The following AP4E1 variants were observed in gnomAD, a reference collection of about 807,000 sequenced individuals.
AP4E1 encodes AP-4 complex subunit epsilon-1.
Under a neutral mutation model 128.2 loss-of-function variants are expected in AP4E1, and 56 were observed. The observed-to-expected ratio is 0.44, with a 90% CI of 0.35 to 0.55. The LOEUF (loss-of-function observed/expected upper bound fraction) is 0.55. Among genes scored for constraint, AP4E1 ranks in the 20% least tolerant of loss-of-function variants. The pLI is 0.00. For synonymous variants in AP4E1, 484 were observed against 473.1 expected (o/e 1.02, Z -0.30); for missense variants, 1,324 against 1,307.7 (o/e 1.01, Z -0.19).
chr15:50,976,973 A>C (rs2064560838), intron 15 of AP4E1, among the ~76,000 whole-genome samples: 1 of 152,230 alleles, frequency 6.6e-6, no homozygotes, highest in South Asian at 2.1e-4. Context: ...GTTATTTAGC[A>C]CAGTGATAAC....
chr15:50,993,201 T>C (rs760509043), intron 16 of AP4E1, among the ~76,000 whole-genome samples, 169 bp from the exon 17 acceptor site: 1 of 152,216 alleles, frequency 6.6e-6, no homozygotes, highest in Non-Finnish European at 1.5e-5. Context: ...ATGTTGGCTA[T>C]AACTAAAATA....
intron 8 of AP4E1, among the ~76,000 whole-genome samples, chr15:50,935,752 C>T (rs1487972754): frequency 6.6e-6 from 1 of 152,030 alleles, no homozygotes; most frequent in East Asian, 1.9e-4. Context: ...TAGGTTAGAC[C>T]AGAGGACAGA....
chr15:50,911,574 C>T (rs1393903699), intron 1 of AP4E1, among the ~76,000 whole-genome samples: 31 of 151,276 alleles, frequency 2.0e-4, no homozygotes, highest in African/African-American at 6.8e-4. Flanking sequence ...CATTCACTTC[C>T]CGGGTTCAAG....
chr15:50,947,394 T>A (rs1245802130), intron 10 of AP4E1, among the ~76,000 whole-genome samples: 2 of 145,400 alleles, frequency 1.4e-5, no homozygotes, highest in African/African-American at 2.6e-5. Flanking sequence ...ACAGCCTGGA[T>A]GACAGAGCAA....
chr15:50,927,735 A>T (rs2063786131), intron 5 of AP4E1, among the ~76,000 whole-genome samples: 1 of 151,196 alleles, frequency 6.6e-6, no homozygotes, highest in Admixed American at 6.6e-5. Flanking sequence ...AGAGTTGTTT[A>T]TTAATGGAAT....
chr15:50,979,843 G>A (rs994252972), intron 15 of AP4E1, among the ~76,000 whole-genome samples: 37 of 152,254 alleles, frequency 2.4e-4, no homozygotes, highest in African/African-American at 8.9e-4. Flanking sequence ...TACCTGTTCT[G>A]TGGTATTCTG....
chr15:50,945,684 G>C, intron 10 of AP4E1: 1 of 785,542 alleles, frequency 1.3e-6, no homozygotes, highest in Non-Finnish European at 2.4e-6. Context: ...AGTATATTAT[G>C]TGTGGATCTG....
intron 16 of AP4E1, among the ~76,000 whole-genome samples, chr15:50,989,752 C>A (rs2064778822): frequency 6.6e-6 from 1 of 152,146 alleles, no homozygotes; most frequent in Admixed American, 6.6e-5. Flanking sequence ...GGGGGTGTGA[C>A]AGGGCCTTGT....
chr15:50,923,718 A>C (rs1214984824), intron 3 of AP4E1, among the ~76,000 whole-genome samples: 1 of 152,212 alleles, frequency 6.6e-6, no homozygotes, highest in Non-Finnish European at 1.5e-5. Flanking sequence ...CGTTTCTGGA[A>C]TATCCTATGA....
chr15:50,964,037 T>C (rs2064354947), intron 14 of AP4E1, among the ~76,000 whole-genome samples: 1 of 152,244 alleles, frequency 6.6e-6, no homozygotes, highest in African/African-American at 2.4e-5. Flanking sequence ...TGCATATGGA[T>C]GTCTGTATCT....
rs1370520935 is a variant in AP4E1 at position 50,964,537 on chromosome 15, GC to G, written c.1852-3725del. ...GTTCCTTTGGAGGTTTTGTTTCTTT[GC>G]TTTTTTATTTTTCTTGTGTCCTCAC... On this transcript the variant is annotated intron_variant, in intron 14 of 20. Transcript: ENST00000261842. Among the ~76,000 whole-genome samples, 5 of 149,276 alleles carry G rather than the reference GC, an allele frequency of 3.3e-5. No homozygotes were observed. The East Asian group carries it at 8.0e-4, about 24-fold the overall frequency.
In AP4E1 at chr15:51,001,044, T is replaced by C. The variant is rs1483843428; in HGVS notation, c.3114T>C (p.Ser1038=). 1.2e-6 allele frequency: 2 copies of C among 1,612,540 alleles called. No individual in the cohort carries two copies. The highest frequency in any genetic ancestry group is 2.7e-5 in the African/African-American group (2 of 74,900). ...LDFIRPLKIS[S]DDFGKLWLSF... The stretch of plus-strand genomic sequence containing the variant: ...TTTTCAGACCATTAAAAATCTCAAG[T>C]GACGACTTTGGGAAACTCTGGTTAT... Residue 1038 remains serine (S), a synonymous_variant, in exon 20 of 21, where the codon AGT becomes AGC. Transcript: ENST00000261842.
At position 51,001,013 on chromosome 15, in the gene AP4E1, A is replaced by G; in HGVS notation, c.3096-13A>G. 1 of 1,600,712 alleles carries G rather than the reference A, an allele frequency of 6.2e-7. No individual in the cohort carries two copies. Among genetic ancestry groups the G allele is most frequent in the Non-Finnish European group, 8.6e-7 (1 of 1,169,156 alleles). ...GTTTTTGACATATATCTAATTTTAA[A>G]AATTATTTTCAGACCATTAAAAATC... On this transcript the variant is annotated splice_polypyrimidine_tract_variant and intron_variant, in intron 19 of 20. Coordinates refer to ENST00000261842, the MANE Select transcript of AP4E1 (RefSeq NM_007347.5).
intron 7 of AP4E1, among the ~76,000 whole-genome samples, chr15:50,933,828 A>C (rs995530802): frequency 3.3e-5 from 5 of 152,068 alleles, no homozygotes; most frequent in African/African-American, 1.2e-4. Flanking sequence ...TGATATTTTC[A>C]TTTATTTTAT....
intron 15 of AP4E1, among the ~76,000 whole-genome samples, chr15:50,979,782 C>T (rs1319248907): frequency 6.6e-6 from 1 of 152,144 alleles, no homozygotes; most frequent in Non-Finnish European, 1.5e-5. Context: ...ACCTTGACCT[C>T]CCAAAGTGCT....
intron 15 of AP4E1, among the ~76,000 whole-genome samples, chr15:50,979,625 A>G (rs951901296): frequency 1.3e-5 from 2 of 152,118 alleles, no homozygotes; most frequent in Non-Finnish European, 2.9e-5. Flanking sequence ...CCCAGGTTCA[A>G]GCAATTCTCC....
At chr15:50,908,346 G>C (rs1160054660), upstream of AP4E1, among the ~76,000 whole-genome samples, 2 of 152,298 alleles carry the variant, frequency 1.3e-5, no homozygotes, top group African/African-American at 2.4e-5. Context: ...GCGGCGGACG[G>C]CGCGGGGACG....
intron 10 of AP4E1, 125 bp downstream of exon 10, chr15:50,941,900 T>G: frequency 1.4e-6 from 1 of 728,268 alleles, no homozygotes; most frequent in Non-Finnish European, 2.3e-6. Flanking sequence ...TTTTAACTTT[T>G]GGGTGTATTT....
chr15:50,996,350 G>A (rs2064874408), intron 17 of AP4E1, among the ~76,000 whole-genome samples: 1 of 151,876 alleles, frequency 6.6e-6, no homozygotes, highest in East Asian at 1.9e-4. Context: ...ACTACTATTT[G>A]ATAGTTATTA....
Sources: gnomAD v4.1 joint callset for allele counts (sites outside exome capture counted in the v4.1 genomes callset) on GRCh38, gnomAD v4.1.1 for gene constraint, MANE v1.5 for transcripts, NCBI Gene and HGNC (gene_info 2026-07-23, HGNC 2026-07-21) for gene names.